Variants in CDH4 observed in about 807,000 individuals in gnomAD.
The protein encoded by CDH4 is cadherin 4, also known as cadherin-4.
CDH4 carries 33 observed loss-of-function variants against 86.0 expected under a neutral mutation model. That is an observed-to-expected ratio of 0.38 (90% CI 0.29 to 0.51). The LOEUF (loss-of-function observed/expected upper bound fraction) is 0.51. CDH4 is among the 20% of genes least tolerant of loss of function. The probability of loss-of-function intolerance (pLI) is 0.86; values close to 1 mark genes in which losing one functional copy is unlikely to be tolerated. For synonymous variants in CDH4, 555 were observed against 549.4 expected (o/e 1.01, Z -0.14); for missense variants, 1,114 against 1,307.4 (o/e 0.85, Z 2.28).
At chr20:61,704,345 C>T (rs2087807679) in intron 2 of CDH4, among the ~76,000 whole-genome samples, 1 of 152,152 alleles carries the variant, frequency 6.6e-6, no homozygotes, top group Admixed American at 6.5e-5. Context: ...AGAACCAATG[C>T]AGGTGCTGAT....
intron 2 of CDH4, among the ~76,000 whole-genome samples, chr20:61,731,682 GC>G (rs1357041661): frequency 6.6e-6 from 1 of 152,248 alleles, no homozygotes; most frequent in Non-Finnish European, 1.5e-5. Context: ...GGATGGGCAG[GC>G]CCCGTGCAGA....
At chr20:61,841,798 C>G (rs1367053211) in intron 4 of CDH4, among the ~76,000 whole-genome samples, 1 of 152,158 alleles carries the variant, frequency 6.6e-6, no homozygotes, top group Non-Finnish European at 1.5e-5. Flanking sequence ...GCCTGCAGGC[C>G]TCCTCTCCTG....
intron 6 of CDH4, among the ~76,000 whole-genome samples, chr20:61,863,098 A>G (rs1022520344): frequency 6.6e-6 from 1 of 152,264 alleles, no homozygotes; most frequent in Non-Finnish European, 1.5e-5. Flanking sequence ...ATTAGTTTTC[A>G]AATTAAACTG....
At chr20:61,805,693 C>G (rs2074555136) in intron 4 of CDH4, among the ~76,000 whole-genome samples, 1 of 152,176 alleles carries the variant, frequency 6.6e-6, no homozygotes, top group African/African-American at 2.4e-5. Flanking sequence ...CCCACGAGGC[C>G]AGGGCAGTGT....
chr20:61,646,117 G>T (rs2087058532), intron 2 of CDH4, among the ~76,000 whole-genome samples: 1 of 152,136 alleles, frequency 6.6e-6, no homozygotes, highest in Non-Finnish European at 1.5e-5. Context: ...CACCAGGCTT[G>T]GAATCATACC....
chr20:61,534,665 C>CTTTCTTTTTTTTTTTTTTTT (rs1192776046), intron 2 of CDH4, among the ~76,000 whole-genome samples: 1 of 76,066 alleles, frequency 1.3e-5, no homozygotes, highest in African/African-American at 1.1e-4. Flanking sequence ...TTCTTTCTTT[C>CTTTCTTTTTTTTTTTTTTTT]TTTTTTTTTT....
At chr20:61,933,188 A>G in intron 14 of CDH4, 64 bp downstream of exon 14, 1 of 1,572,310 alleles carries the variant, frequency 6.4e-7, no homozygotes, top group East Asian at 2.3e-5. Context: ...CTAGTGTCTC[A>G]GCAGGGATTG....
intron 4 of CDH4, among the ~76,000 whole-genome samples, chr20:61,779,425 G>A (rs1243516172): frequency 2.0e-5 from 3 of 152,216 alleles, no homozygotes; most frequent in African/African-American, 7.2e-5. Flanking sequence ...AGCCTGCGAG[G>A]TGCTTAGGTC....
chr20:61,639,941 C>CGTCAT (rs1352264325), intron 2 of CDH4, among the ~76,000 whole-genome samples: 4 of 152,060 alleles, frequency 2.6e-5, no homozygotes, highest in Admixed American at 2.0e-4. Flanking sequence ...AAACCCAGCT[C>CGTCAT]GGCTTCGTCA....
rs2084067668 is a variant in CDH4, at chr20:61,252,562, G to C, written c.49G>C (p.Ala17Pro). The change falls in exon 1 of 16, where the codon GCG becomes CCG. Residue 17 changes from alanine (A) to proline (P), a missense_variant. Transcript: ENST00000614565. This position sits in a 1 kb window ranked among gnomAD's most constrained non-coding sequence, Gnocchi z 4.4. ...CCTTCTGCTGCTCTCGCTCTCCGGCGCGCTCCGGGTAAGTTGCCGCCTCCC... is the reference window on the plus strand; with the variant it reads ...CCTTCTGCTGCTCTCGCTCTCCGGCCCGCTCCGGGTAAGTTGCCGCCTCCC... Reference protein sequence around the residue: ...VLLLLLSLSGALRAHNEDLTT... With the variant: ...VLLLLLSLSGPLRAHNEDLTT... 5.8e-6 allele frequency: 7 copies of C among 1,205,222 alleles called. No individual in the cohort carries two copies. In the East Asian group the frequency reaches 2.0e-4, roughly 35 times the overall value. 74.7% of individuals were successfully genotyped at this position (1,205,222 alleles called of 1,614,324 possible). A position where few individuals can be genotyped will look rare whatever the true frequency, so the allele number is the denominator to read the frequency against.
chr20:61,819,361 A>G (rs1318785833), intron 4 of CDH4, among the ~76,000 whole-genome samples: 1 of 152,220 alleles, frequency 6.6e-6, no homozygotes, highest in Non-Finnish European at 1.5e-5. Flanking sequence ...TTCCAGATGC[A>G]TGAGCACGCG....
intron 2 of CDH4, among the ~76,000 whole-genome samples, chr20:61,535,810 G>T (rs1047018618): frequency 6.6e-6 from 1 of 152,142 alleles, no homozygotes; most frequent in Non-Finnish European, 1.5e-5. Flanking sequence ...AGAGTGTGGG[G>T]GCCCTTCAGT....
rs1399131832 is a variant in CDH4 at position 61,417,738 on chromosome 20, A to G, written c.169+162801A>G. 6.6e-6 allele frequency among the ~76,000 whole-genome samples: 1 copy of G among 152,136 alleles called. No individual in the cohort carries two copies. Among genetic ancestry groups the G allele is most frequent in the Admixed American group, 6.6e-5 (1 of 15,266 alleles). Reference sequence around the variant, plus strand: ...CTGGAGACAGGTGCACATGGCGGGAAGTGGGCACAGGAGCCTTGACCTGAC... The same window carrying G: ...CTGGAGACAGGTGCACATGGCGGGAGGTGGGCACAGGAGCCTTGACCTGAC... On this transcript the variant is annotated intron_variant, in intron 2 of 15. Transcript: ENST00000614565. The surrounding 1 kb of genome is among the most constrained non-coding windows in gnomAD (Gnocchi z 4.0).
intron 3 of CDH4, among the ~76,000 whole-genome samples, chr20:61,758,260 C>T (rs147760178): frequency 0.017 from 2,557 of 152,224 alleles, 53 homozygotes; most frequent in South Asian, 0.057. Flanking sequence ...AAAAAATTCC[C>T]GTGGGAGGAG....
chr20:61,462,464 G>A (rs866600224), intron 2 of CDH4, among the ~76,000 whole-genome samples: 2 of 152,188 alleles, frequency 1.3e-5, no homozygotes, highest in African/African-American at 2.4e-5. Context: ...GGTAAATCAA[G>A]GGGGTGTAGT....
At chr20:61,297,665 G>A (rs1437920060) in intron 2 of CDH4, among the ~76,000 whole-genome samples, 1 of 152,234 alleles carries the variant, frequency 6.6e-6, no homozygotes, top group Non-Finnish European at 1.5e-5. Flanking sequence ...GCACCAAGAA[G>A]CTCCTCTGTC....
At chr20:61,361,621 G>A (rs963315685) in intron 2 of CDH4, among the ~76,000 whole-genome samples, 17 of 152,196 alleles carry the variant, frequency 1.1e-4, no homozygotes, top group African/African-American at 3.6e-4. Context: ...GGAGGAGCCC[G>A]GCCTGACTCC....
intron 3 of CDH4, among the ~76,000 whole-genome samples, chr20:61,760,212 G>A (rs552385054): frequency 3.9e-5 from 6 of 152,312 alleles, no homozygotes; most frequent in Admixed American, 2.0e-4. Flanking sequence ...CCAGAGAAAC[G>A]TGGTGGTTAC....
rs763918382 is a variant in CDH4 at position 61,652,938 on chromosome 20, A to ATTTTTTTTTTTTT, written c.170-90620_170-90608dup. On this transcript the variant is annotated intron_variant, in intron 2 of 15. Transcript: ENST00000614565. Reference sequence around the variant, plus strand: ...TTTGAATTTATTTATTTATTTATTTATTTTTTTTTTTTTTTTTATTGATCA... The same window carrying ATTTTTTTTTTTTT: ...TTTGAATTTATTTATTTATTTATTTATTTTTTTTTTTTTTTTTTTTTTTTTTTTTTATTGATCA... Among the ~76,000 whole-genome samples, 289 of 96,744 alleles carry ATTTTTTTTTTTTT rather than the reference A, an allele frequency of 3.0e-3. 1 individual carries two copies. The highest frequency in any genetic ancestry group is 4.3e-3 in the Non-Finnish European group (180 of 41,954). 63.5% of individuals were successfully genotyped at this position (96,744 alleles called of 152,430 possible).
Sources: gnomAD v4.1 joint callset for allele counts (sites outside exome capture counted in the v4.1 genomes callset) on GRCh38, gnomAD v4.1.1 for gene constraint, Gnocchi (gnomAD v3.1) non-coding constraint, MANE v1.5 for transcripts, NCBI Gene and HGNC (gene_info 2026-07-23, HGNC 2026-07-21) for gene names.